PCLO: variants seen among roughly 807,000 people sequenced by gnomAD.
PCLO encodes the protein piccolo presynaptic cytomatrix protein.
In PCLO, 82 loss-of-function variants were observed where a neutral mutation model predicts 427.5. The observed-to-expected ratio is 0.19, with a 90% CI of 0.16 to 0.23. PCLO has a LOEUF of 0.23. PCLO is among the 10% of genes least tolerant of loss of function. The pLI, the probability that PCLO is intolerant of heterozygous loss-of-function variation, is 1.00. For synonymous variants in PCLO, 2,357 were observed against 2,155.4 expected (o/e 1.09, Z -2.59); for missense variants, 6,239 against 6,115.9 (o/e 1.02, Z -0.67).
chr7:82,902,506 G>A (rs1584124748), intron 9 of PCLO, 145 bp downstream of exon 9: 1 of 547,626 alleles, frequency 1.8e-6, no homozygotes, highest in Non-Finnish European at 3.3e-6. Flanking sequence ...CAGCACACCA[G>A]CATGGCACAT....
chr7:82,953,274 G>C lies in PCLO; in HGVS notation c.7679C>G (p.Pro2560Arg), dbSNP rs1427555479. 2 of 1,613,890 alleles carry C rather than the reference G, an allele frequency of 1.2e-6. No individual in the cohort carries two copies. Among genetic ancestry groups the C allele is most frequent in the Non-Finnish European group, 1.7e-6 (2 of 1,179,860 alleles). The part of the protein sequence containing the change: ...ADYKLPSPTS[P>R]LSPHSNKSSP... ...AGACTTGTTGGAGTGTGGGGAAAGT[G>C]GGGAGGTAGGGGAAGGCAATTTATA... Residue 2560 changes from proline (P) to arginine (R), a missense_variant, in exon 5 of 25, where the codon CCA becomes CGA. This residue lies in a region of PCLO where 4,677 missense variants were observed against 4,468.4 expected (regional missense o/e 1.05). Transcript: ENST00000333891.
At chr7:82,837,889 T>A (rs1792268561) in intron 15 of PCLO, among the ~76,000 whole-genome samples, 1 of 151,944 alleles carries the variant, frequency 6.6e-6, no homozygotes, top group Admixed American at 6.6e-5. Flanking sequence ...GTAAGCCAAT[T>A]CTTTAACTTT....
chr7:83,138,500 C>G (rs1791784690), intron 2 of PCLO, among the ~76,000 whole-genome samples: 1 of 151,842 alleles, frequency 6.6e-6, no homozygotes, highest in Non-Finnish European at 1.5e-5. Context: ...GTCTCTATTA[C>G]AAATACAAAA....
chr7:83,023,983 T>A (rs1788411670), intron 3 of PCLO, among the ~76,000 whole-genome samples: 1 of 152,288 alleles, frequency 6.6e-6, no homozygotes, highest in Admixed American at 6.5e-5. Context: ...AAGAGCTGAC[T>A]CATCTTAACC....
At chr7:82,882,072 C>T (rs533580452) in intron 9 of PCLO, among the ~76,000 whole-genome samples, 1 of 152,192 alleles carries the variant, frequency 6.6e-6, no homozygotes, top group East Asian at 1.9e-4. Context: ...GTAGCTGCTT[C>T]TACCCTAATT....
chr7:83,065,036 T>A (rs1480012703), intron 3 of PCLO, among the ~76,000 whole-genome samples: 2 of 125,272 alleles, frequency 1.6e-5, no homozygotes, highest in Non-Finnish European at 3.2e-5. Context: ...AGGCTAACCA[T>A]CTTTGCAAAG....
At position 83,135,174 on chromosome 7, in the gene PCLO, G is replaced by T. The variant is rs750085293; in HGVS notation, c.2376C>A (p.Thr792=). The T allele has an allele frequency of 1.2e-5, 19 of 1,613,726 alleles. No individual in the cohort carries two copies. Among genetic ancestry groups the T allele is most frequent in the East Asian group, 2.2e-5 (1 of 44,862 alleles). The stretch of plus-strand genomic sequence containing the variant: ...TGGCAGAGTCTGTTTTTAGAGGAGG[G>T]GTTGTTTTCTCTTCAGCTTGTGACT... ...KVQSQAEEKT[T]PPLKTDSAKP... is the part of the protein sequence containing the mutation. Residue 792 remains threonine, a synonymous_variant, in exon 3 of 25, where the codon ACC becomes ACA. Coordinates refer to ENST00000333891, the MANE Select transcript of PCLO (RefSeq NM_033026.6).
intron 17 of PCLO, 87 bp downstream of exon 17, chr7:82,827,786 G>A (rs999100306): frequency 2.7e-6 from 2 of 734,134 alleles, no homozygotes; most frequent in Admixed American, 2.8e-5. Context: ...TTGGCAAAAT[G>A]TATACAGATC....
At chr7:83,018,993 A>G (rs1344329767) in intron 3 of PCLO, among the ~76,000 whole-genome samples, 3 of 152,052 alleles carry the variant, frequency 2.0e-5, no homozygotes, top group Non-Finnish European at 1.5e-5. Context: ...GTGATAATGA[A>G]AGATGCATAC....
At chr7:82,869,147 T>G (rs1793169660) in intron 10 of PCLO, among the ~76,000 whole-genome samples, 1 of 152,128 alleles carries the variant, frequency 6.6e-6, no homozygotes, top group African/African-American at 2.4e-5. Context: ...AGTTTAGATT[T>G]AGTCCATGAT....
intron 3 of PCLO, among the ~76,000 whole-genome samples, chr7:83,041,282 T>C (rs1188872011): frequency 1.3e-5 from 2 of 152,128 alleles, no homozygotes; most frequent in Non-Finnish European, 1.5e-5. Context: ...GTATATATTG[T>C]ACAGAAAATG....
intron 3 of PCLO, among the ~76,000 whole-genome samples, chr7:83,014,818 T>C (rs547278057): frequency 9.9e-5 from 15 of 152,248 alleles, no homozygotes; most frequent in African/African-American, 3.6e-4. Context: ...AGAGAAAATT[T>C]TGGATTGCCA....
intron 20 of PCLO, among the ~76,000 whole-genome samples, chr7:82,808,945 G>A (rs765096745): frequency 2.6e-5 from 4 of 151,714 alleles, no homozygotes; most frequent in Non-Finnish European, 5.9e-5. Context: ...CATAAAATGT[G>A]ATAAAACAAA....
chr7:83,096,048 A>ATAAAT (rs3039478), intron 3 of PCLO, among the ~76,000 whole-genome samples: 66,426 of 151,606 alleles, frequency 0.44, 14,901 homozygotes, highest in East Asian at 0.71. Context: ...GTTTTTGAAA[A>ATAAAT]TTAATGTTAT....
intron 3 of PCLO, among the ~76,000 whole-genome samples, chr7:83,002,941 G>A (rs1319068918): frequency 7.9e-5 from 12 of 151,382 alleles, no homozygotes; most frequent in Admixed American, 7.9e-4. Flanking sequence ...AAAATATTTT[G>A]TCTTATGTAC....
At position 82,838,353 on chromosome 7, in the gene PCLO, G is replaced by A; in HGVS notation, c.14098-11C>T. 1 of 1,405,162 alleles carries A rather than the reference G, an allele frequency of 7.1e-7. No homozygotes were observed. The highest frequency in any genetic ancestry group is 9.7e-7 in the Non-Finnish European group (1 of 1,027,528). The allele number at this position is 1,405,162 out of a possible 1,614,324, so 87.0% of individuals were successfully genotyped here. A position where few individuals can be genotyped will look rare whatever the true frequency, so the allele number is the denominator to read the frequency against. ...ATAGTTAATTTGAAGCTTTAGGAGA[G>A]AGAAAAATATTCCATAAGTTTTTAA... On this transcript the variant is annotated splice_polypyrimidine_tract_variant and intron_variant, in intron 14 of 24. Coordinates refer to ENST00000333891, the MANE Select transcript of PCLO (RefSeq NM_033026.6).
intron 3 of PCLO, among the ~76,000 whole-genome samples, chr7:83,102,268 C>G (rs915365866): frequency 1.0e-4 from 12 of 116,350 alleles, no homozygotes; most frequent in African/African-American, 3.9e-4. Context: ...AAACCTTCAA[C>G]AAAAAAGGTC....
intron 8 of PCLO, among the ~76,000 whole-genome samples, chr7:82,905,028 G>A (rs1241147530): frequency 6.6e-6 from 1 of 152,066 alleles, no homozygotes; most frequent in Non-Finnish European, 1.5e-5. Flanking sequence ...GAGGGTGAAT[G>A]TTGAGAGAGT....
At chr7:82,771,614 T>TA (rs1562778623) in intron 22 of PCLO, among the ~76,000 whole-genome samples, 1 of 151,978 alleles carries the variant, frequency 6.6e-6, no homozygotes. Context: ...ACCCTCACTT[T>TA]AAAAAAAGGA....
Sources: gnomAD v4.1 joint callset for allele counts (sites outside exome capture counted in the v4.1 genomes callset) on GRCh38, gnomAD v4.1.1 for gene constraint, gnomAD v4.1.1 regional missense constraint, MANE v1.5 for transcripts, NCBI Gene and HGNC (gene_info 2026-07-23, HGNC 2026-07-21) for gene names.